CDIN1: variants seen among roughly 807,000 people sequenced by gnomAD.
CDIN1 encodes CDAN1 interacting nuclease 1.
CDIN1 carries 33 observed loss-of-function variants against 45.3 expected under a neutral mutation model. The ratio of observed to expected loss-of-function variants is 0.73; its 90% CI spans 0.55 to 0.97. The LOEUF (loss-of-function observed/expected upper bound fraction) is 0.97. Among genes scored for constraint, CDIN1 ranks in the 50% least tolerant of loss-of-function variants. The pLI is 0.00. For missense variants in CDIN1, 303 were observed against 339.4 expected (o/e 0.89, Z 0.84); for synonymous variants, 118 against 124.4 (o/e 0.95, Z 0.34).
chr15:36,761,338 T>A (rs2053757606), intron 10 of CDIN1, among the ~76,000 whole-genome samples: 1 of 152,238 alleles, frequency 6.6e-6, no homozygotes, highest in Admixed American at 6.5e-5. Context: ...ACTGGCTTAA[T>A]GTTGTCACAG....
At chr15:36,748,926 C>T (rs1465462372) in intron 10 of CDIN1, among the ~76,000 whole-genome samples, 4 of 152,080 alleles carry the variant, frequency 2.6e-5, no homozygotes, top group South Asian at 2.1e-4. Flanking sequence ...CAACCTTCTC[C>T]GGCATGTATC....
At chr15:36,802,151 G>A (rs557715623) in intron 10 of CDIN1, among the ~76,000 whole-genome samples, 9 of 152,282 alleles carry the variant, frequency 5.9e-5, no homozygotes, top group Admixed American at 3.3e-4. Flanking sequence ...GCTTGGGTTC[G>A]AAACCTGGCC....
chr15:36,751,743 A>C (rs895669609), intron 10 of CDIN1, among the ~76,000 whole-genome samples: 3 of 152,152 alleles, frequency 2.0e-5, no homozygotes, highest in African/African-American at 7.2e-5. Context: ...ACGTGGAATC[A>C]ACCCAAATGC....
chr15:36,617,900 A>C (rs1436968144), intron 1 of CDIN1: 1 of 768,592 alleles, frequency 1.3e-6, no homozygotes, highest in Non-Finnish European at 2.4e-6. Flanking sequence ...GGCAAGGATA[A>C]AAGCCATCAA....
At chr15:36,743,249 A>G (rs953485770) in intron 10 of CDIN1, among the ~76,000 whole-genome samples, 1 of 152,166 alleles carries the variant, frequency 6.6e-6, no homozygotes, top group Non-Finnish European at 1.5e-5. Context: ...AGACTGTATG[A>G]GCAGCAATAT....
intron 10 of CDIN1, among the ~76,000 whole-genome samples, chr15:36,767,892 C>T (rs746128450): frequency 6.6e-6 from 1 of 152,154 alleles, no homozygotes; most frequent in Non-Finnish European, 1.5e-5. Flanking sequence ...GAATGACTTC[C>T]TCATTTTAAG....
At chr15:36,631,754 C>A (rs2039688780) in intron 1 of CDIN1, among the ~76,000 whole-genome samples, 1 of 152,142 alleles carries the variant, frequency 6.6e-6, no homozygotes, top group African/African-American at 2.4e-5. Context: ...GTTTTTAGTT[C>A]TCTTGGGTAT....
chr15:36,644,389 T>A, intron 2 of CDIN1, 66 bp downstream of exon 2: 1 of 1,503,124 alleles, frequency 6.7e-7, no homozygotes, highest in Non-Finnish European at 9.2e-7. Flanking sequence ...TCCCTTTATT[T>A]CTTTGTAATT....
At chr15:36,680,656 A>G (rs2041819352) in intron 5 of CDIN1, among the ~76,000 whole-genome samples, 1 of 152,162 alleles carries the variant, frequency 6.6e-6, no homozygotes, top group East Asian at 1.9e-4. Flanking sequence ...CAGATATGCA[A>G]CTAAGAGCCG....
At chr15:36,618,072 C>A in intron 1 of CDIN1, 1 of 748,792 alleles carries the variant, frequency 1.3e-6, no homozygotes, top group South Asian at 1.4e-5. Context: ...TCTTGGTCTC[C>A]AAATCCTACA....
intron 3 of CDIN1, among the ~76,000 whole-genome samples, chr15:36,648,001 G>A (rs900675995): frequency 6.6e-6 from 1 of 151,988 alleles, no homozygotes; most frequent in African/African-American, 2.4e-5. Context: ...CACCACGCCC[G>A]GCTAATTTTT....
chr15:36,619,473 ATC>A (rs2039052885), intron 1 of CDIN1, among the ~76,000 whole-genome samples: 1 of 39,848 alleles, frequency 2.5e-5, no homozygotes, highest in East Asian at 8.3e-4. Flanking sequence ...GAGGATTTCT[ATC>A]TATCTATCTA....
At chr15:36,726,773 G>A (rs1376808403) in intron 10 of CDIN1, among the ~76,000 whole-genome samples, 1 of 152,156 alleles carries the variant, frequency 6.6e-6, no homozygotes, top group Non-Finnish European at 1.5e-5. Context: ...ATGATAGAGA[G>A]AGGGTTAAGT....
chr15:36,703,137 G>A (rs1416643222), intron 8 of CDIN1, among the ~76,000 whole-genome samples: 1 of 146,472 alleles, frequency 6.8e-6, no homozygotes, highest in Non-Finnish European at 1.5e-5. Context: ...AGAATTGCTT[G>A]AGCCTGGGAG....
At chr15:36,775,989 C>T (rs2054209193) in intron 10 of CDIN1, among the ~76,000 whole-genome samples, 2 of 152,198 alleles carry the variant, frequency 1.3e-5, no homozygotes, top group South Asian at 4.1e-4. Flanking sequence ...GAAGGAGTAA[C>T]AAGCTGCTTT....
intron 10 of CDIN1, chr15:36,755,990 C>G (rs1245868381): frequency 4.4e-6 from 2 of 450,388 alleles, no homozygotes; most frequent in East Asian, 7.0e-5. Context: ...CAGTGTGCCA[C>G]ACTTACCAGG....
At chr15:36,608,463 T>C (rs1006719314) in intron 1 of CDIN1, among the ~76,000 whole-genome samples, 4 of 152,212 alleles carry the variant, frequency 2.6e-5, no homozygotes, top group Admixed American at 2.6e-4. Context: ...GCTGTTTGTA[T>C]ATTTTCTTTG....
At chr15:36,618,163 A>G (rs2038986190) in intron 1 of CDIN1, 4 of 706,184 alleles carry the variant, frequency 5.7e-6, no homozygotes, top group African/African-American at 3.5e-5. Flanking sequence ...CTTATAAAAG[A>G]CATGCTACTG....
intron 10 of CDIN1, among the ~76,000 whole-genome samples, chr15:36,802,899 T>C (rs2055097848): frequency 6.6e-6 from 1 of 152,180 alleles, no homozygotes; most frequent in Non-Finnish European, 1.5e-5. Flanking sequence ...TTTTAAAACA[T>C]TCTTGGTGAT....
Sources: gnomAD v4.1 joint callset for allele counts (sites outside exome capture counted in the v4.1 genomes callset) on GRCh38, gnomAD v4.1.1 for gene constraint, MANE v1.5 for transcripts, NCBI Gene and HGNC (gene_info 2026-07-23, HGNC 2026-07-21) for gene names.